The following USH2A variants were observed in gnomAD, a reference collection of about 807,000 sequenced individuals.
The protein encoded by USH2A is Usher syndrome 2A (autosomal recessive, mild).
Under a neutral mutation model 538.9 loss-of-function variants are expected in USH2A, and 443 were observed. That is an observed-to-expected ratio of 0.82 (90% CI 0.76 to 0.89). USH2A has a LOEUF of 0.89. Ranked by LOEUF, USH2A falls within the 40% of genes least tolerant of loss-of-function variation. The pLI is 0.00. For missense variants in USH2A, 6,633 were observed against 6,324.8 expected (o/e 1.05, Z -1.65); for synonymous variants, 2,413 against 2,273.5 (o/e 1.06, Z -1.75).
chr1:215,802,458 T>C (rs1384968515), intron 49 of USH2A, among the ~76,000 whole-genome samples: 1 of 151,852 alleles, frequency 6.6e-6, no homozygotes, highest in Non-Finnish European at 1.5e-5. Flanking sequence ...CAAATAACTT[T>C]AATAGACACT....
intron 22 of USH2A, among the ~76,000 whole-genome samples, chr1:216,090,890 T>A (rs1028629152): frequency 6.6e-6 from 1 of 152,142 alleles, no homozygotes; most frequent in East Asian, 1.9e-4. Flanking sequence ...CTCATCAAAG[T>A]GTACTTAGTT....
At chr1:216,338,398 G>A (rs2038015293) in intron 4 of USH2A, among the ~76,000 whole-genome samples, 1 of 151,392 alleles carries the variant, frequency 6.6e-6, no homozygotes, top group Non-Finnish European at 1.5e-5. Context: ...AGTGGGACAA[G>A]AATGTGCCAA....
chr1:216,190,502 T>G (rs1235116276), intron 19 of USH2A, 135 bp from the exon 20 acceptor site: 8 of 1,226,102 alleles, frequency 6.5e-6, no homozygotes, highest in Middle Eastern at 2.8e-4. Context: ...AAAAGGGTTT[T>G]TTTTTTTTTT....
chr1:216,266,471 G>C (rs1211216928), intron 11 of USH2A, among the ~76,000 whole-genome samples: 2 of 152,030 alleles, frequency 1.3e-5, no homozygotes, highest in Non-Finnish European at 2.9e-5. Context: ...TATATTATCG[G>C]TTGCCTGTAA....
chr1:216,317,689 A>G (rs764339783), intron 9 of USH2A, among the ~76,000 whole-genome samples: 2 of 151,792 alleles, frequency 1.3e-5, no homozygotes, highest in South Asian at 2.1e-4. Context: ...TCTACAAAAA[A>G]AAAAATACAA....
At position 216,073,078 on chromosome 1, in the gene USH2A, T is replaced by A; in HGVS notation, c.5776+19A>T. On this transcript the variant is annotated intron_variant, in intron 28 of 71. Coordinates refer to ENST00000307340, the MANE Select transcript of USH2A (RefSeq NM_206933.4). ...AATAAGAGACATGTAACATTTAATTTAGAGGACCTCCACATTACCTGTAAA... is the reference window on the plus strand; with the variant it reads ...AATAAGAGACATGTAACATTTAATTAAGAGGACCTCCACATTACCTGTAAA... 1.9e-6 allele frequency: 3 copies of A among 1,613,790 alleles called. No homozygotes were observed. In the Admixed American group the frequency reaches 5.0e-5, roughly 27 times the overall value.
chr1:215,699,989 C>CTAA (rs1477331135), intron 61 of USH2A, among the ~76,000 whole-genome samples: 2 of 152,072 alleles, frequency 1.3e-5, no homozygotes, highest in African/African-American at 4.8e-5. Context: ...CCATCAATGC[C>CTAA]TAATTTATTG....
At chr1:216,036,205 T>C (rs2029943948) in intron 32 of USH2A, among the ~76,000 whole-genome samples, 1 of 152,106 alleles carries the variant, frequency 6.6e-6, no homozygotes, top group South Asian at 2.1e-4. Context: ...TTAAGTGTAG[T>C]CAGGTTCCCG....
intron 60 of USH2A, among the ~76,000 whole-genome samples, chr1:215,736,957 T>C (rs1660171874): frequency 6.6e-6 from 1 of 151,984 alleles, no homozygotes; most frequent in African/African-American, 2.4e-5. Context: ...CAATTTTAAT[T>C]GACCCAGTAC....
In USH2A at chr1:215,647,568, C is replaced by T. The variant is rs1345555520; in HGVS notation, c.14745G>A (p.Val4915=). ...YKLRVVAHNE[V]GSTASEWISF... The stretch of plus-strand genomic sequence containing the variant: ...TGATCCACTCGGAAGCCGTACTGCC[C>T]ACCTCGTTGTGTGCCACCACTCTCA... Residue 4915 remains valine, a synonymous_variant, in exon 67 of 72, where the codon GTG becomes GTA. Coordinates refer to ENST00000307340, the MANE Select transcript of USH2A (RefSeq NM_206933.4). 2.5e-6 allele frequency: 4 copies of T among 1,614,018 alleles called. No homozygotes were observed. The highest frequency in any genetic ancestry group is 3.4e-6 in the Non-Finnish European group (4 of 1,180,030).
At chr1:215,655,356 G>C (rs769316222) in intron 64 of USH2A, among the ~76,000 whole-genome samples, 4 of 152,172 alleles carry the variant, frequency 2.6e-5, no homozygotes, top group Non-Finnish European at 5.9e-5. Flanking sequence ...GTTAATTACT[G>C]TGTTTTTTCA....
chr1:215,671,363 A>G, intron 63 of USH2A, 70 bp from the exon 64 acceptor site: 1 of 1,463,112 alleles, frequency 6.8e-7, no homozygotes, highest in South Asian at 1.2e-5. Context: ...TCTTTAAAAC[A>G]CCAGGCCTTA....
At chr1:215,754,509 CAA>C (rs758606960) in intron 58 of USH2A, among the ~76,000 whole-genome samples, 16 of 143,640 alleles carry the variant, frequency 1.1e-4, no homozygotes, top group African/African-American at 3.6e-4. Context: ...ACACTGACCA[CAA>C]AAAAAAAAAT....
chr1:216,226,103 C>A (rs945212344), intron 14 of USH2A, among the ~76,000 whole-genome samples: 8 of 152,142 alleles, frequency 5.3e-5, no homozygotes, highest in Admixed American at 2.6e-4. Flanking sequence ...TAAATGGGAA[C>A]AATGAAATGA....
chr1:216,373,696 G>A (rs536085902), intron 3 of USH2A, among the ~76,000 whole-genome samples: 1 of 152,014 alleles, frequency 6.6e-6, no homozygotes, highest in African/African-American at 2.4e-5. Flanking sequence ...TTCAAGTTTT[G>A]TCAATGACCC....
intron 56 of USH2A, among the ~76,000 whole-genome samples, chr1:215,764,042 G>A (rs926449875): frequency 1.3e-4 from 20 of 152,048 alleles, no homozygotes; most frequent in African/African-American, 4.3e-4. Context: ...ATTAAGTGGC[G>A]AAGTACTGAG....
rs146282882 is a variant in USH2A at position 216,000,407 on chromosome 1, T to C, written c.6481A>G (p.Ile2161Val). ...LTVLDSRTIH[I>V]QWKQPRKISG... ...AGAGACAACATTTCTACTTACTGTATGTGTATAGTTCTAGAATCCAGGACA... is the reference window on the plus strand; with the variant it reads ...AGAGACAACATTTCTACTTACTGTACGTGTATAGTTCTAGAATCCAGGACA... Residue 2161 changes from isoleucine to valine, a missense_variant, in exon 33 of 72, where the codon ATA becomes GTA. By Grantham distance (29) the Ile-to-Val change is conservative (BLOSUM62 3). Transcript: ENST00000307340. 3.1e-6 allele frequency: 5 copies of C among 1,613,530 alleles called. No homozygotes were observed. Among genetic ancestry groups the C allele is most frequent in the Non-Finnish European group, 4.2e-6 (5 of 1,179,608 alleles).
intron 21 of USH2A, among the ~76,000 whole-genome samples, chr1:216,116,595 T>G (rs1477744112): frequency 2.0e-5 from 3 of 151,730 alleles, no homozygotes; most frequent in Admixed American, 2.0e-4. Flanking sequence ...CAGACTCCCT[T>G]GGAAAAAATT....
intron 32 of USH2A, among the ~76,000 whole-genome samples, chr1:216,006,656 T>A (rs913001547): frequency 1.3e-5 from 2 of 152,198 alleles, no homozygotes; most frequent in African/African-American, 4.8e-5. Context: ...CCTTTGTGAC[T>A]CTCTTCATTA....
Sources: allele counts gnomAD v4.1 joint callset (sites outside exome capture counted in the v4.1 genomes callset), GRCh38; gene constraint gnomAD v4.1.1; transcripts MANE v1.5; gene names NCBI Gene and HGNC (gene_info 2026-07-23, HGNC 2026-07-21).